The following COLEC10 variants were observed in gnomAD, a reference collection of about 807,000 sequenced individuals.
The protein encoded by COLEC10 is collectin-10.
A neutral mutation model predicts 28.4 loss-of-function variants in COLEC10; 22 were observed. That is an observed-to-expected ratio of 0.78 (90% CI 0.55 to 1.11). The LOEUF (loss-of-function observed/expected upper bound fraction) is 1.11, where lower values mean the gene tolerates loss of function less well. COLEC10 is among the 50% of genes least tolerant of loss of function. The pLI is 0.00. For missense variants in COLEC10, 361 were observed against 344.1 expected (o/e 1.05, Z -0.39); for synonymous variants, 125 against 116.1 (o/e 1.08, Z -0.49).
chr8:118,974,069 C>T, the COLEC10 span, among the ~76,000 whole-genome samples: 3 of 151,896 alleles, frequency 2.0e-5, no homozygotes, highest in Admixed American at 6.6e-5. Flanking sequence ...TCATTTAATT[C>T]AGGCTTTTGC....
rs56090318 is a variant in COLEC10, at chr8:119,105,431, G to C, written c.443-369G>C. Reference sequence around the variant, plus strand: ...AGAAAAGACTTTCTAGGCATAAAAGGCTTGGAAGTATAAGAGAAAAGGGCC... The same window carrying C: ...AGAAAAGACTTTCTAGGCATAAAAGCCTTGGAAGTATAAGAGAAAAGGGCC... On this transcript the variant is annotated intron_variant, in intron 5 of 5. Transcript: ENST00000332843. Among the ~76,000 whole-genome samples the C allele has an allele frequency of 3.3e-4, 50 of 152,222 alleles. 1 individual carries two copies. The Middle Eastern group carries it at 0.014, about 41-fold the overall frequency.
At chr8:118,959,558 T>A in the COLEC10 span, among the ~76,000 whole-genome samples, 3 of 152,202 alleles carry the variant, frequency 2.0e-5, no homozygotes, top group Non-Finnish European at 1.5e-5. Context: ...AAACATTAGC[T>A]CCTATTTGCA....
intron 1 of COLEC10, among the ~76,000 whole-genome samples, chr8:119,073,462 A>C (rs940984939): frequency 6.6e-6 from 1 of 152,196 alleles, no homozygotes; most frequent in African/African-American, 2.4e-5. Context: ...GTGTTTTCCC[A>C]AAACTTTTTA....
chr8:119,076,262 C>CT (rs71296909), intron 1 of COLEC10, among the ~76,000 whole-genome samples: 45 of 138,534 alleles, frequency 3.2e-4, no homozygotes, highest in Middle Eastern at 3.6e-3. Context: ...ACACAAAATT[C>CT]TTTTTTTTTT....
intron 2 of COLEC10, among the ~76,000 whole-genome samples, chr8:119,009,862 C>A (rs767650152): frequency 1.3e-5 from 2 of 150,022 alleles, no homozygotes; most frequent in African/African-American, 5.0e-5. Flanking sequence ...AAAAAATAGA[C>A]TTTATGTTTT....
chr8:119,000,425 C>T (rs937834744), intron 1 of COLEC10, among the ~76,000 whole-genome samples: 1 of 152,098 alleles, frequency 6.6e-6, no homozygotes, highest in Non-Finnish European at 1.5e-5. Context: ...GTGCTTTTCT[C>T]CTACCATCCT....
At chr8:119,045,109 T>C (rs930114413) in intron 2 of COLEC10, among the ~76,000 whole-genome samples, 4 of 152,220 alleles carry the variant, frequency 2.6e-5, no homozygotes, top group Admixed American at 2.6e-4. Flanking sequence ...TTCTTGATGA[T>C]ACAAGTATTT....
At chr8:119,042,485 G>A (rs1814518050) in intron 2 of COLEC10, among the ~76,000 whole-genome samples, 1 of 152,090 alleles carries the variant, frequency 6.6e-6, no homozygotes, top group Admixed American at 6.5e-5. Flanking sequence ...CCAAAGACAA[G>A]GGGTTCGAAT....
the COLEC10 span, among the ~76,000 whole-genome samples, chr8:118,964,360 G>C: frequency 6.6e-6 from 1 of 152,116 alleles, no homozygotes; most frequent in Non-Finnish European, 1.5e-5. Context: ...TAAATTAGGA[G>C]ACAGTAGGCC....
intron 1 of COLEC10, among the ~76,000 whole-genome samples, chr8:119,072,641 T>C (rs761826540): frequency 7.9e-5 from 12 of 152,138 alleles, no homozygotes; most frequent in Non-Finnish European, 1.8e-4. Flanking sequence ...ACAGTGTTGA[T>C]GGCACCTCAG....
chr8:119,046,862 C>T (rs1466510363), intron 2 of COLEC10, among the ~76,000 whole-genome samples: 1 of 152,172 alleles, frequency 6.6e-6, no homozygotes, highest in Admixed American at 6.5e-5. Context: ...TAAACATGAT[C>T]ATGACCCATA....
intron 2 of COLEC10, among the ~76,000 whole-genome samples, chr8:119,058,816 A>T (rs1179478452): frequency 3.3e-5 from 5 of 152,044 alleles, no homozygotes; most frequent in African/African-American, 1.2e-4. Flanking sequence ...TTAAGTTTAT[A>T]TTTAACTTTT....
intron 1 of COLEC10, among the ~76,000 whole-genome samples, chr8:119,075,562 T>G (rs1169586065): frequency 6.6e-6 from 1 of 152,214 alleles, no homozygotes; most frequent in South Asian, 2.1e-4. Context: ...TTGTGATCAC[T>G]GGAAGACACT....
At chr8:119,023,113 C>T (rs1034148249) in intron 2 of COLEC10, among the ~76,000 whole-genome samples, 7 of 152,128 alleles carry the variant, frequency 4.6e-5, no homozygotes, top group Non-Finnish European at 1.0e-4. Flanking sequence ...ATCAAGCTTA[C>T]GCTGGCCACT....
the COLEC10 span, among the ~76,000 whole-genome samples, chr8:118,957,474 A>C: frequency 6.6e-6 from 1 of 152,126 alleles, no homozygotes; most frequent in African/African-American, 2.4e-5. Context: ...CAAGGGAGTA[A>C]AGTCAATGAG....
intron 2 of COLEC10, among the ~76,000 whole-genome samples, chr8:119,056,727 A>G (rs1814768304): frequency 6.6e-6 from 1 of 151,936 alleles, no homozygotes; most frequent in African/African-American, 2.4e-5. Flanking sequence ...CCTCTGTCAC[A>G]TTTCTCATAT....
intron 2 of COLEC10, among the ~76,000 whole-genome samples, chr8:119,047,054 A>G (rs1167768563): frequency 2.0e-5 from 3 of 152,128 alleles, no homozygotes; most frequent in Admixed American, 2.0e-4. Flanking sequence ...AATGCTGACA[A>G]CTCTCTTAAG....
chr8:119,050,388 T>G (rs764880881), intron 2 of COLEC10, among the ~76,000 whole-genome samples: 1 of 152,190 alleles, frequency 6.6e-6, no homozygotes, highest in African/African-American at 2.4e-5. Context: ...AATCAACTTA[T>G]GGCAGCCTTA....
At chr8:119,069,815 G>A (rs1464932075) in intron 1 of COLEC10, among the ~76,000 whole-genome samples, 2 of 151,186 alleles carry the variant, frequency 1.3e-5, no homozygotes, top group Admixed American at 6.6e-5. Flanking sequence ...CGTTATTACT[G>A]TTTTTTCAAT....
Sources: gnomAD v4.1 joint callset for allele counts (sites outside exome capture counted in the v4.1 genomes callset) on GRCh38, gnomAD v4.1.1 for gene constraint, MANE v1.5 for transcripts, NCBI Gene and HGNC (gene_info 2026-07-23, HGNC 2026-07-21) for gene names.